The following ADCY2 variants were observed in gnomAD, a reference collection of about 807,000 sequenced individuals.
ADCY2 encodes adenylate cyclase 2, also known as adenylate cyclase type 2.
In ADCY2, 31 loss-of-function variants were observed where a neutral mutation model predicts 125.2. The ratio of observed to expected loss-of-function variants is 0.25; its 90% CI spans 0.19 to 0.33. The LOEUF (loss-of-function observed/expected upper bound fraction) is 0.33, where lower values mean the gene tolerates loss of function less well. ADCY2 is among the 10% of genes least tolerant of loss of function. ADCY2 has a pLI of 1.00. For missense variants in ADCY2, 904 were observed against 1,418.2 expected, an observed-to-expected ratio of 0.64 and a Z score of 5.82; for synonymous variants, 512 against 548.4, an observed-to-expected ratio of 0.93 and a Z score of 0.93.
chr5:7,558,127 A>G (rs1579571520), intron 3 of ADCY2, among the ~76,000 whole-genome samples: 1 of 151,002 alleles, frequency 6.6e-6, no homozygotes, highest in African/African-American at 2.4e-5. Flanking sequence ...ATCTCGGCTC[A>G]CTGCAACCCC....
intron 2 of ADCY2, among the ~76,000 whole-genome samples, chr5:7,442,506 C>T (rs1741052311): frequency 6.6e-6 from 1 of 152,086 alleles, no homozygotes; most frequent in Non-Finnish European, 1.5e-5. Flanking sequence ...TGGTTGTGAT[C>T]AGGAGAGATA....
intron 3 of ADCY2, among the ~76,000 whole-genome samples, chr5:7,538,497 T>C (rs1026845002): frequency 1.3e-5 from 2 of 152,178 alleles, no homozygotes; most frequent in Non-Finnish European, 2.9e-5. Flanking sequence ...GGCTTATTTT[T>C]TGTTTATTTT....
At chr5:7,475,049 G>T (rs1275713042) in intron 2 of ADCY2, among the ~76,000 whole-genome samples, 1 of 152,188 alleles carries the variant, frequency 6.6e-6, no homozygotes, top group Admixed American at 6.5e-5. Flanking sequence ...GACCCAGCAG[G>T]GGGAGTCCTC....
chr5:7,444,399 G>C (rs4702467), intron 2 of ADCY2, among the ~76,000 whole-genome samples: 1 of 152,070 alleles, frequency 6.6e-6, no homozygotes, highest in South Asian at 2.1e-4. Context: ...ACAGGTGTGA[G>C]CCACCGCGCC....
chr5:7,525,057 C>T (rs1734407675), intron 3 of ADCY2, among the ~76,000 whole-genome samples: 1 of 152,024 alleles, frequency 6.6e-6, no homozygotes, highest in Non-Finnish European at 1.5e-5. Context: ...GGCTGGAGTG[C>T]AGTGGTGTAA....
chr5:7,568,135 G>C (rs747878324), intron 3 of ADCY2, among the ~76,000 whole-genome samples: 11 of 152,120 alleles, frequency 7.2e-5, no homozygotes, highest in African/African-American at 1.2e-4. Context: ...ATGTAGTATG[G>C]AATGAGAGCT....
rs191209387 is a variant in ADCY2 at position 7,584,004 on chromosome 5, G to A, written c.571-42163G>A. ...GTACTGAGTGATTTTTTTATATGAG[G>A]GTAAGACTGGATGAAAAATAGCAGA... On this transcript the variant is annotated intron_variant, in intron 3 of 24. Coordinates refer to ENST00000338316, the MANE Select transcript of ADCY2 (RefSeq NM_020546.3). 1.8e-4 allele frequency among the ~76,000 whole-genome samples: 28 copies of A among 152,174 alleles called. No individual in the cohort carries two copies. In the East Asian group the frequency reaches 5.2e-3, roughly 28 times the overall value.
At chr5:7,772,811 G>T in intron 17 of ADCY2, 121 bp from the exon 18 acceptor site, 2 of 889,890 alleles carry the variant, frequency 2.2e-6, no homozygotes, top group Non-Finnish European at 3.4e-6. Context: ...ACAAGCCTCT[G>T]TTTTCACAGC....
At chr5:7,540,127 G>T (rs1037702398) in intron 3 of ADCY2, among the ~76,000 whole-genome samples, 1 of 152,122 alleles carries the variant, frequency 6.6e-6, no homozygotes, top group African/African-American at 2.4e-5. Flanking sequence ...GGAGCAAAAT[G>T]ATGAGAACAC....
At chr5:7,684,358 C>T (rs1398425265) in intron 4 of ADCY2, among the ~76,000 whole-genome samples, 1 of 152,148 alleles carries the variant, frequency 6.6e-6, no homozygotes, top group Non-Finnish European at 1.5e-5. Context: ...CTGATGACCT[C>T]CATAGACTCT....
intron 2 of ADCY2, among the ~76,000 whole-genome samples, chr5:7,490,774 C>T (rs894502694): frequency 1.3e-5 from 2 of 152,086 alleles, no homozygotes; most frequent in African/African-American, 4.8e-5. Flanking sequence ...GTATGCCAAG[C>T]AACCTTTCCA....
chr5:7,549,679 C>A (rs551266627), intron 3 of ADCY2, among the ~76,000 whole-genome samples: 2 of 152,272 alleles, frequency 1.3e-5, no homozygotes, highest in South Asian at 4.1e-4. Context: ...TTTTAAGTGC[C>A]AACATTCGTT....
intron 7 of ADCY2, among the ~76,000 whole-genome samples, chr5:7,699,081 A>ATT (rs561359357): frequency 0.013 from 493 of 37,966 alleles, 133 homozygotes; most frequent in East Asian, 0.068. Context: ...AACAGTAAGC[A>ATT]TTTTTTTTTT....
chr5:7,428,232 T>C (rs1241190023), intron 2 of ADCY2, among the ~76,000 whole-genome samples: 1 of 152,226 alleles, frequency 6.6e-6, no homozygotes, highest in East Asian at 1.9e-4. Context: ...AAATTCATAC[T>C]AGCAGGAGGG....
intron 7 of ADCY2, among the ~76,000 whole-genome samples, chr5:7,701,100 T>TA (rs1741063268): frequency 6.8e-6 from 1 of 146,002 alleles, no homozygotes; most frequent in African/African-American, 2.7e-5. Context: ...AAAAAATATA[T>TA]TTTTTTTTTC....
At chr5:7,758,785 T>C (rs1307786019) in intron 16 of ADCY2, among the ~76,000 whole-genome samples, 1 of 151,938 alleles carries the variant, frequency 6.6e-6, no homozygotes, top group African/African-American at 2.4e-5. Flanking sequence ...GTCTGCCACA[T>C]GGGCCTGGAG....
intron 13 of ADCY2, among the ~76,000 whole-genome samples, chr5:7,726,447 C>A (rs981652317): frequency 1.3e-5 from 2 of 152,194 alleles, no homozygotes; most frequent in Non-Finnish European, 2.9e-5. Flanking sequence ...CAGGGGTCAT[C>A]ATCAGCATCA....
At chr5:7,425,672 T>A (rs1740359932) in intron 2 of ADCY2, among the ~76,000 whole-genome samples, 1 of 152,256 alleles carries the variant, frequency 6.6e-6, no homozygotes. Context: ...AATATTATTT[T>A]CACTCAAGTC....
intron 14 of ADCY2, among the ~76,000 whole-genome samples, chr5:7,732,861 A>C (rs1742145825): frequency 6.6e-6 from 1 of 152,166 alleles, no homozygotes; most frequent in Non-Finnish European, 1.5e-5. Flanking sequence ...TTCAGCCTAT[A>C]ATCATTGAAT....
Sources: gnomAD v4.1 joint callset for allele counts (sites outside exome capture counted in the v4.1 genomes callset) on GRCh38, gnomAD v4.1.1 for gene constraint, MANE v1.5 for transcripts, NCBI Gene and HGNC (gene_info 2026-07-23, HGNC 2026-07-21) for gene names.